TMEFF2: variants seen among roughly 807,000 people sequenced by gnomAD.
TMEFF2 encodes the protein tomoregulin-2.
A neutral mutation model predicts 53.8 loss-of-function variants in TMEFF2; 28 were observed. The observed-to-expected ratio is 0.52, with a 90% CI of 0.39 to 0.71. TMEFF2 has a LOEUF of 0.71. Among genes scored for constraint, TMEFF2 ranks in the 30% least tolerant of loss-of-function variants. The probability of loss-of-function intolerance (pLI) is 0.00; values close to 1 mark genes in which losing one functional copy is unlikely to be tolerated. For missense variants in TMEFF2, 353 were observed against 455.2 expected, an observed-to-expected ratio of 0.78 and a Z score of 2.04; for synonymous variants, 162 against 166.3, an observed-to-expected ratio of 0.97 and a Z score of 0.20.
At chr2:192,010,899 G>A (rs1031732984) in intron 5 of TMEFF2, among the ~76,000 whole-genome samples, 3 of 152,270 alleles carry the variant, frequency 2.0e-5, no homozygotes, top group Middle Eastern at 3.4e-3. Context: ...TCTAACAAGA[G>A]GACATGTAAA....
chr2:192,167,527 ACTG>A (rs1690798402), intron 4 of TMEFF2, among the ~76,000 whole-genome samples: 1 of 152,092 alleles, frequency 6.6e-6, no homozygotes, highest in African/African-American at 2.4e-5. Context: ...GCTGAACATC[ACTG>A]CTTTCTCCTT....
chr2:191,995,787 CTA>C (rs1210257600), intron 7 of TMEFF2, among the ~76,000 whole-genome samples: 1 of 151,918 alleles, frequency 6.6e-6, no homozygotes, highest in Non-Finnish European at 1.5e-5. Flanking sequence ...CTATGTTTAA[CTA>C]GGAATTACAA....
At chr2:192,189,375 G>T (rs1174537830) in intron 2 of TMEFF2, among the ~76,000 whole-genome samples, 3 of 151,230 alleles carry the variant, frequency 2.0e-5, no homozygotes, top group African/African-American at 7.3e-5. Flanking sequence ...GAAACCGTGT[G>T]TCTACTAAAA....
At chr2:192,113,345 T>C (rs570097449) in intron 4 of TMEFF2, among the ~76,000 whole-genome samples, 3 of 152,324 alleles carry the variant, frequency 2.0e-5, no homozygotes, top group African/African-American at 4.8e-5. Context: ...ATTATAGTGT[T>C]CCTTGAAAAG....
chr2:192,008,511 G>A (rs1350507370), intron 5 of TMEFF2, among the ~76,000 whole-genome samples: 1 of 152,140 alleles, frequency 6.6e-6, no homozygotes, highest in Non-Finnish European at 1.5e-5. Context: ...AGCATCATGT[G>A]TATGTGCTTG....
intron 5 of TMEFF2, 120 bp downstream of exon 5, chr2:192,057,557 TGG>T: frequency 1.1e-6 from 1 of 917,896 alleles, no homozygotes; most frequent in Admixed American, 2.1e-5. Context: ...TTTTTTCACT[TGG>T]GAACTGAATA....
chr2:192,048,361 AACACACACACACACACACAC>A (rs3053696), intron 5 of TMEFF2, among the ~76,000 whole-genome samples: 1 of 143,168 alleles, frequency 7.0e-6, no homozygotes, highest in Non-Finnish European at 1.5e-5. Flanking sequence ...ATTCTCATAA[AACACACACACACACACACAC>A]ACACACACAC....
chr2:192,112,063 C>T (rs1271905921), intron 4 of TMEFF2, among the ~76,000 whole-genome samples: 7 of 152,200 alleles, frequency 4.6e-5, no homozygotes, highest in Admixed American at 2.0e-4. Context: ...TAGAGCAGCG[C>T]AGAAGAAAAA....
intron 7 of TMEFF2, among the ~76,000 whole-genome samples, chr2:191,974,166 A>G (rs185228485): frequency 6.6e-6 from 1 of 152,310 alleles, no homozygotes; most frequent in Non-Finnish European, 1.5e-5. Flanking sequence ...AGAGTTTTAC[A>G]TGTAGAGTTA....
At chr2:191,977,859 G>T (rs7586111) in intron 7 of TMEFF2, among the ~76,000 whole-genome samples, 30,295 of 152,024 alleles carry the variant, frequency 0.2, 3,115 homozygotes, top group Middle Eastern at 0.24. Context: ...ATGTTTTTAT[G>T]TTTGATGGAA....
Position 192,128,497 on chromosome 2 carries a change from A to T in TMEFF2, c.439+51171T>A, listed in dbSNP as rs77795947. 4.0e-3 allele frequency among the ~76,000 whole-genome samples: 612 copies of T among 152,350 alleles called. 1 individual carries two copies. Among genetic ancestry groups the T allele is most frequent in the Middle Eastern group, 0.02 (6 of 294 alleles). On this transcript the variant is annotated intron_variant, in intron 4 of 9. Coordinates refer to ENST00000272771, the MANE Select transcript of TMEFF2 (RefSeq NM_016192.4). ...AAAAGAAAGGACATCTTAAAAATGAATTCCTGAATGTACGGATAGAAAATG... is the reference window on the plus strand; with the variant it reads ...AAAAGAAAGGACATCTTAAAAATGATTTCCTGAATGTACGGATAGAAAATG...
intron 4 of TMEFF2, among the ~76,000 whole-genome samples, chr2:192,148,931 T>C (rs2105998134): frequency 6.6e-6 from 1 of 152,134 alleles, no homozygotes; most frequent in East Asian, 1.9e-4. Flanking sequence ...CAAATGTATT[T>C]TTAGACTATC....
intron 4 of TMEFF2, among the ~76,000 whole-genome samples, chr2:192,113,550 G>A (rs923693280): frequency 2.0e-5 from 3 of 152,066 alleles, no homozygotes; most frequent in Non-Finnish European, 4.4e-5. Flanking sequence ...TAGAAATAAT[G>A]TGGAATAAAC....
Position 192,005,596 on chromosome 2 carries a change from T to C in TMEFF2, c.537-6388A>G, listed in dbSNP as rs185559286. On this transcript the variant is annotated intron_variant, in intron 5 of 9. Coordinates refer to ENST00000272771, the MANE Select transcript of TMEFF2 (RefSeq NM_016192.4). ...TAGTTAGTTTCAAAGCACCCAACTA[T>C]ACCGCAGTGAGGCTGGCTTTCTGGT... is the stretch of plus-strand genomic sequence containing the variant. 3.3e-3 allele frequency among the ~76,000 whole-genome samples: 496 copies of C among 152,318 alleles called. 8 individuals carry two copies. Among genetic ancestry groups the C allele is most frequent in the South Asian group, 0.026 (124 of 4,816 alleles).
intron 4 of TMEFF2, among the ~76,000 whole-genome samples, chr2:192,137,558 C>T (rs1483599182): frequency 2.0e-5 from 3 of 151,912 alleles, no homozygotes; most frequent in Non-Finnish European, 2.9e-5. Flanking sequence ...AAGAATGGAT[C>T]AGAGTGAGAG....
At chr2:192,141,835 T>C (rs181891170) in intron 4 of TMEFF2, among the ~76,000 whole-genome samples, 47 of 152,324 alleles carry the variant, frequency 3.1e-4, no homozygotes, top group Non-Finnish European at 1.6e-4. Context: ...ACTAAGGATA[T>C]TTGTATTTAT....
At chr2:192,075,318 T>TATAG (rs1559115200) in intron 4 of TMEFF2, among the ~76,000 whole-genome samples, 1 of 85,636 alleles carries the variant, frequency 1.2e-5, no homozygotes, top group African/African-American at 4.5e-5. Flanking sequence ...TATATATATA[T>TATAG]ATATATATAT....
chr2:192,117,664 C>T (rs1305954778), intron 4 of TMEFF2, among the ~76,000 whole-genome samples: 1 of 151,962 alleles, frequency 6.6e-6, no homozygotes, highest in Non-Finnish European at 1.5e-5. Context: ...TTTCCACCTC[C>T]CCACCCCCCA....
At chr2:192,094,428 A>G (rs1688858125) in intron 4 of TMEFF2, among the ~76,000 whole-genome samples, 1 of 152,130 alleles carries the variant, frequency 6.6e-6, no homozygotes, top group African/African-American at 2.4e-5. Flanking sequence ...AATACTCTCA[A>G]TAAAATTCTA....
Sources: allele counts gnomAD v4.1 joint callset (sites outside exome capture counted in the v4.1 genomes callset), GRCh38; gene constraint gnomAD v4.1.1; transcripts MANE v1.5; gene names NCBI Gene and HGNC (gene_info 2026-07-23, HGNC 2026-07-21).